FAM107A: variants seen among roughly 807,000 people sequenced by gnomAD.
The protein encoded by FAM107A is family with sequence similarity 107 member A.
A neutral mutation model predicts 13.7 loss-of-function variants in FAM107A; 19 were observed. The ratio of observed to expected loss-of-function variants is 1.38; its 90% CI spans 0.97 to 2.03. The LOEUF (loss-of-function observed/expected upper bound fraction) is 2.03, where lower values mean the gene tolerates loss of function less well. Among genes scored for constraint, FAM107A ranks in the 30% most tolerant of loss-of-function variants. FAM107A has a pLI of 0.00. For synonymous variants in FAM107A, 82 were observed against 74.5 expected (o/e 1.10, Z -0.52); for missense variants, 203 against 184.4 (o/e 1.10, Z -0.58).
chr3:58,600,117 C>G (rs948706907), intron 1 of FAM107A, among the ~76,000 whole-genome samples: 10 of 152,112 alleles, frequency 6.6e-5, no homozygotes, highest in Non-Finnish European at 1.5e-4. Context: ...ATTTGGCCTT[C>G]TGGATTCCTT....
intron 1 of FAM107A, among the ~76,000 whole-genome samples, chr3:58,624,769 C>G (rs2886050): frequency 1.3e-4 from 20 of 152,030 alleles, no homozygotes; most frequent in Middle Eastern, 3.4e-3. Context: ...AGCAACAACG[C>G]TGTGTTTTGA....
rs1183129240 is a variant in FAM107A at position 58,565,258 on chromosome 3, GAGT to G, written c.*1327_*1329del. The G allele has an allele frequency of 6.6e-6, 1 of 152,042 alleles. No homozygotes were observed. The highest frequency in any genetic ancestry group is 1.9e-4 in the East Asian group (1 of 5,184). 9.4% of individuals were successfully genotyped at this position (152,042 alleles called of 1,614,324 possible). A position where few individuals can be genotyped will look rare whatever the true frequency, so the allele number is the denominator to read the frequency against. On this transcript the variant is annotated 3_prime_UTR_variant, in exon 4 of 4. Transcript: ENST00000360997. ...AGAAGAAAAATGGGTGAATTCACTG[GAGT>G]TGGCCCAGCTAGGGGTTGGGTCTCA... is the stretch of plus-strand genomic sequence containing the variant.
intron 1 of FAM107A, among the ~76,000 whole-genome samples, chr3:58,595,928 A>G (rs2065703688): frequency 6.6e-6 from 1 of 152,234 alleles, no homozygotes; most frequent in African/African-American, 2.4e-5. Flanking sequence ...GATGCTGAAA[A>G]ATATGGCCAA....
intron 1 of FAM107A, among the ~76,000 whole-genome samples, chr3:58,598,330 T>A (rs2065724172): frequency 6.6e-6 from 1 of 152,166 alleles, no homozygotes. Context: ...GGGTGTTGAG[T>A]TCTCAGCCGA....
chr3:58,578,392 A>G (rs2063747283), upstream of FAM107A, among the ~76,000 whole-genome samples: 2 of 151,936 alleles, frequency 1.3e-5, no homozygotes, highest in East Asian at 1.9e-4. Flanking sequence ...ACATGGTAAA[A>G]CCCTGTCTCT....
chr3:58,578,320 C>A (rs570675898), upstream of FAM107A, among the ~76,000 whole-genome samples: 6 of 152,316 alleles, frequency 3.9e-5, no homozygotes, highest in African/African-American at 1.4e-4. Flanking sequence ...GTAATCCCAG[C>A]ACTTTGGGAG....
chr3:58,600,573 C>T (rs963989874), intron 1 of FAM107A, among the ~76,000 whole-genome samples: 15 of 152,222 alleles, frequency 9.9e-5, no homozygotes, highest in African/African-American at 3.4e-4. Context: ...GGCTCCAAAG[C>T]TGGGACAGGG....
intron 1 of FAM107A, among the ~76,000 whole-genome samples, chr3:58,571,865 C>T (rs76329596): frequency 6.6e-6 from 1 of 152,148 alleles, no homozygotes; most frequent in Non-Finnish European, 1.5e-5. Flanking sequence ...CCCTCTGTGC[C>T]CCCCAAATCT....
At chr3:58,593,153 C>G (rs1478877944) in intron 1 of FAM107A, among the ~76,000 whole-genome samples, 1 of 152,204 alleles carries the variant, frequency 6.6e-6, no homozygotes, top group Non-Finnish European at 1.5e-5. Context: ...GGACAGCCAG[C>G]CTGATCTCTC....
chr3:58,593,939 A>G (rs2065676875), intron 1 of FAM107A, among the ~76,000 whole-genome samples: 1 of 152,062 alleles, frequency 6.6e-6, no homozygotes, highest in African/African-American at 2.4e-5. Context: ...GCATCTACTT[A>G]CGGCACCTTT....
intron 1 of FAM107A, among the ~76,000 whole-genome samples, chr3:58,623,621 T>TGAG (rs1214560614): frequency 6.6e-6 from 1 of 152,232 alleles, no homozygotes; most frequent in Non-Finnish European, 1.5e-5. Flanking sequence ...AGGTGGGATG[T>TGAG]GAGCACTGTT....
At chr3:58,627,111 C>T in intron 1 of FAM107A, 3 of 968,314 alleles carry the variant, frequency 3.1e-6, no homozygotes, top group Admixed American at 4.4e-5. Context: ...GGCCCCCTGT[C>T]CTCTTGCGGC....
intron 1 of FAM107A, among the ~76,000 whole-genome samples, chr3:58,575,435 C>A (rs1406981378): frequency 1.3e-5 from 2 of 152,158 alleles, no homozygotes; most frequent in African/African-American, 2.4e-5. Context: ...AGAATTTGAT[C>A]TGGATCTCTA....
intron 1 of FAM107A, among the ~76,000 whole-genome samples, chr3:58,602,638 T>G (rs1164513441): frequency 2.0e-5 from 3 of 152,212 alleles, no homozygotes; most frequent in Admixed American, 1.3e-4. Context: ...GTTGTAGACC[T>G]AGGTTTACTA....
intron 1 of FAM107A, among the ~76,000 whole-genome samples, chr3:58,623,698 C>T (rs2065980719): frequency 1.3e-5 from 2 of 152,182 alleles, no homozygotes; most frequent in Non-Finnish European, 2.9e-5. Context: ...CTTAGGGCAG[C>T]CTGGGTCAAA....
At position 58,617,297 on chromosome 3, in the gene FAM107A, C is replaced by T. The variant is rs1209666325; in HGVS notation, c.-70+10119G>A. Among the ~76,000 whole-genome samples, 1 of 152,062 alleles carries T rather than the reference C, an allele frequency of 6.6e-6. No individual in the cohort carries two copies. Among genetic ancestry groups the T allele is most frequent in the Non-Finnish European group, 1.5e-5 (1 of 68,008 alleles). On this transcript the variant is annotated intron_variant, in intron 1 of 3. Transcript: ENST00000465970. The surrounding 1 kb of genome is among the most constrained non-coding windows in gnomAD (Gnocchi z 4.5). Reference sequence around the variant, plus strand: ...AGAGCTCAGGTGGGTGGAGAAAAATCCCCGGATGGTCCCTCAAAAGGACAG... The same window carrying T: ...AGAGCTCAGGTGGGTGGAGAAAAATTCCCGGATGGTCCCTCAAAAGGACAG...
chr3:58,609,624 G>A (rs760184680), intron 1 of FAM107A, among the ~76,000 whole-genome samples: 3 of 152,196 alleles, frequency 2.0e-5, no homozygotes, highest in Non-Finnish European at 4.4e-5. Context: ...ATGGAGGAAG[G>A]TTTCCCCCAA....
chr3:58,578,424 C>A (rs1445204532), upstream of FAM107A, among the ~76,000 whole-genome samples: 1 of 151,980 alleles, frequency 6.6e-6, no homozygotes, highest in Non-Finnish European at 1.5e-5. Flanking sequence ...AAAAATTAGC[C>A]AGGGGTGGTG....
intron 1 of FAM107A, chr3:58,573,464 G>A (rs940799087): frequency 3.3e-5 from 5 of 152,468 alleles, no homozygotes; most frequent in African/African-American, 1.2e-4. Flanking sequence ...AGAGGACTGG[G>A]GTTGTTCCCA....
Sources: gnomAD v4.1 joint callset for allele counts (sites outside exome capture counted in the v4.1 genomes callset) on GRCh38, gnomAD v4.1.1 for gene constraint, Gnocchi (gnomAD v3.1) non-coding constraint, MANE v1.5 for transcripts, NCBI Gene and HGNC (gene_info 2026-07-23, HGNC 2026-07-21) for gene names.